GABRB3: variants seen among roughly 807,000 people sequenced by gnomAD.
GABRB3 encodes the protein gamma-aminobutyric acid type A receptor subunit beta3.
A neutral mutation model predicts 52.1 loss-of-function variants in GABRB3; 14 were observed. The ratio of observed to expected loss-of-function variants is 0.27; its 90% CI spans 0.18 to 0.42. The LOEUF (loss-of-function observed/expected upper bound fraction) is 0.42, where lower values mean the gene tolerates loss of function less well. Ranked by LOEUF, GABRB3 falls within the 10% of genes least tolerant of loss-of-function variation. GABRB3 has a pLI of 1.00. For synonymous variants in GABRB3, 260 were observed against 232.3 expected (o/e 1.12, Z -1.08); for missense variants, 307 against 609.1 (o/e 0.50, Z 5.22).
intron 3 of GABRB3, among the ~76,000 whole-genome samples, chr15:26,707,130 T>G (rs1055807314): frequency 6.6e-6 from 1 of 152,070 alleles, no homozygotes; most frequent in African/African-American, 2.4e-5. Context: ...TGCCACAGGA[T>G]CATAAGAGAG....
chr15:26,709,957 C>G (rs1468310112), intron 3 of GABRB3, among the ~76,000 whole-genome samples: 1 of 152,190 alleles, frequency 6.6e-6, no homozygotes, highest in Non-Finnish European at 1.5e-5. Context: ...CAGTCATTCT[C>G]TACTTTCACC....
Position 26,583,551 on chromosome 15 carries a change from T to G in GABRB3, c.462-137A>C, listed in dbSNP as rs144053423. 2.7e-4 allele frequency: 182 copies of G among 678,540 alleles called. 1 individual carries two copies. In the African/African-American group the frequency reaches 2.8e-3, roughly 10 times the overall value. The allele number at this position is 678,540 out of a possible 1,614,324, so 42.0% of individuals were successfully genotyped here. ...CTGGCTAAACATCATTCACTATATA[T>G]AGAGAGAAACTTGAGTAAATAAGAA... On this transcript the variant is annotated intron_variant, in intron 4 of 8. Transcript: ENST00000311550.
At chr15:26,764,060 G>T (rs964437010) in intron 3 of GABRB3, among the ~76,000 whole-genome samples, 2 of 148,502 alleles carry the variant, frequency 1.3e-5, no homozygotes, top group East Asian at 2.0e-4. Flanking sequence ...TGAGGCAAGA[G>T]AATTGCTTGA....
intron 4 of GABRB3, among the ~76,000 whole-genome samples, chr15:26,591,251 G>A (rs778057026): frequency 8.5e-5 from 13 of 152,146 alleles, no homozygotes; most frequent in Non-Finnish European, 1.2e-4. Context: ...ATAGATAACC[G>A]ATACGATAGT....
intron 3 of GABRB3, among the ~76,000 whole-genome samples, chr15:26,623,957 C>T (rs566120388): frequency 2.6e-5 from 4 of 152,150 alleles, no homozygotes; most frequent in East Asian, 1.9e-4. Context: ...CCTGATCTGT[C>T]GGCCTTGCCT....
chr15:26,691,976 G>T (rs183670963), intron 3 of GABRB3, among the ~76,000 whole-genome samples: 1 of 152,098 alleles, frequency 6.6e-6, no homozygotes, highest in African/African-American at 2.4e-5. Flanking sequence ...GTCATGTGTT[G>T]GTTCAAGTGG....
At chr15:26,763,479 G>A (rs1164473640) in intron 3 of GABRB3, among the ~76,000 whole-genome samples, 1 of 151,952 alleles carries the variant, frequency 6.6e-6, no homozygotes, top group African/African-American at 2.4e-5. Flanking sequence ...GTATACTTTT[G>A]GCCTGATATA....
intron 3 of GABRB3, among the ~76,000 whole-genome samples, chr15:26,718,683 G>T (rs1353892908): frequency 1.3e-5 from 2 of 152,052 alleles, no homozygotes; most frequent in Non-Finnish European, 2.9e-5. Context: ...CTTAGCAGCA[G>T]GCTTTGGATG....
At chr15:26,676,612 A>C (rs1021474729) in intron 3 of GABRB3, among the ~76,000 whole-genome samples, 5 of 152,236 alleles carry the variant, frequency 3.3e-5, no homozygotes, top group African/African-American at 1.2e-4. Context: ...AAAAGAACTT[A>C]GTGAGCTATT....
intron 6 of GABRB3, among the ~76,000 whole-genome samples, chr15:26,572,264 C>T (rs915659476): frequency 4.6e-5 from 7 of 152,184 alleles, no homozygotes; most frequent in Admixed American, 2.0e-4. Context: ...AAAGCTGTGG[C>T]GTGCACTATC....
At chr15:26,689,113 C>T (rs1188065838) in intron 3 of GABRB3, among the ~76,000 whole-genome samples, 2 of 152,172 alleles carry the variant, frequency 1.3e-5, no homozygotes, top group African/African-American at 4.8e-5. Flanking sequence ...AATTTCAGGA[C>T]TGACCCAGGA....
intron 3 of GABRB3, among the ~76,000 whole-genome samples, chr15:26,633,252 TA>T (rs1892957127): frequency 6.6e-6 from 1 of 152,226 alleles, no homozygotes; most frequent in East Asian, 1.9e-4. Context: ...TTTGAAATTA[TA>T]AATTAAAATT....
chr15:26,624,495 G>A (rs1419015304), intron 3 of GABRB3: 6 of 985,404 alleles, frequency 6.1e-6, no homozygotes, highest in Admixed American at 1.2e-4. Flanking sequence ...CTAGGAGCCC[G>A]GCTGTCACTC....
rs376959894 is a variant in GABRB3 at position 26,707,038 on chromosome 15, G to T, written c.240+65364C>A. On this transcript the variant is annotated intron_variant, in intron 3 of 8. Transcript: ENST00000311550. ...TGAGACTGTGGTTTCCACCTTGGAG[G>T]CACTCACACAATCAACGGGAAAGAA... Among the ~76,000 whole-genome samples, 18 of 152,318 alleles carry T rather than the reference G, an allele frequency of 1.2e-4. No homozygotes were observed. In the East Asian group the frequency reaches 3.3e-3, roughly 28 times the overall value.
chr15:26,614,222 G>A (rs942304131), intron 4 of GABRB3: 30 of 152,258 alleles, frequency 2.0e-4, no homozygotes, highest in African/African-American at 6.3e-4. Context: ...CAAAGATGAA[G>A]TTTCTGTGTT....
chr15:26,651,641 T>G (rs913472021), intron 3 of GABRB3, among the ~76,000 whole-genome samples: 2 of 152,156 alleles, frequency 1.3e-5, no homozygotes, highest in Non-Finnish European at 2.9e-5. Flanking sequence ...AACTCTGACC[T>G]TTTTTTCTCT....
chr15:26,638,357 T>G (rs1249446546), intron 3 of GABRB3, among the ~76,000 whole-genome samples: 4 of 152,234 alleles, frequency 2.6e-5, no homozygotes, highest in Non-Finnish European at 4.4e-5. Context: ...ACTGGCTGGC[T>G]GCTCTGCTCA....
At chr15:26,583,941 A>AT (rs1386163549) in intron 4 of GABRB3, among the ~76,000 whole-genome samples, 2 of 151,748 alleles carry the variant, frequency 1.3e-5, no homozygotes, top group South Asian at 4.2e-4. Context: ...CGCCCAGCTA[A>AT]TTTTTTTGTA....
intron 4 of GABRB3, chr15:26,616,099 C>A (rs1286562297): frequency 7.8e-7 from 1 of 1,285,156 alleles, no homozygotes; most frequent in Non-Finnish European, 1.0e-6. Context: ...TTGGGTTACA[C>A]ACACTGGCCC....
Sources: allele counts gnomAD v4.1 joint callset (sites outside exome capture counted in the v4.1 genomes callset), GRCh38; gene constraint gnomAD v4.1.1; transcripts MANE v1.5; gene names NCBI Gene and HGNC (gene_info 2026-07-23, HGNC 2026-07-21).